Variants in JAKMIP2 observed in about 807,000 individuals in gnomAD.
JAKMIP2 encodes the protein janus kinase and microtubule-interacting protein 2.
In JAKMIP2, 25 loss-of-function variants were observed where a neutral mutation model predicts 115.0. That is an observed-to-expected ratio of 0.22 (90% CI 0.16 to 0.30). The LOEUF (loss-of-function observed/expected upper bound fraction) is 0.30. Ranked by LOEUF, JAKMIP2 falls within the 10% of genes least tolerant of loss-of-function variation. The pLI is 1.00. For synonymous variants in JAKMIP2, 334 were observed against 343.6 expected, an observed-to-expected ratio of 0.97 and a Z score of 0.31; for missense variants, 642 against 957.6, an observed-to-expected ratio of 0.67 and a Z score of 4.35.
At chr5:147,757,600 T>G (rs1754792972) in intron 1 of JAKMIP2, among the ~76,000 whole-genome samples, 1 of 152,030 alleles carries the variant, frequency 6.6e-6, no homozygotes, top group Non-Finnish European at 1.5e-5. Context: ...GACCCTAGTT[T>G]CCTTATTTCT....
At chr5:147,624,242 A>G (rs1163922568) in intron 16 of JAKMIP2, among the ~76,000 whole-genome samples, 1 of 152,178 alleles carries the variant, frequency 6.6e-6, no homozygotes, top group Non-Finnish European at 1.5e-5. Flanking sequence ...CAGGTGCTGT[A>G]CCAGGTCCTA....
chr5:147,679,078 T>C (rs1760125930), intron 1 of JAKMIP2, among the ~76,000 whole-genome samples: 1 of 151,976 alleles, frequency 6.6e-6, no homozygotes, highest in Non-Finnish European at 1.5e-5. Flanking sequence ...CCTCCCAGGT[T>C]CAAATAATTC....
chr5:147,683,356 G>A (rs775090338), intron 1 of JAKMIP2, among the ~76,000 whole-genome samples: 1 of 152,152 alleles, frequency 6.6e-6, no homozygotes, highest in Admixed American at 6.5e-5. Flanking sequence ...GCGGGGCGTG[G>A]TGGCACCTGC....
At chr5:147,707,794 G>GT (rs1311391327) in intron 1 of JAKMIP2, among the ~76,000 whole-genome samples, 2 of 152,160 alleles carry the variant, frequency 1.3e-5, no homozygotes, top group Non-Finnish European at 2.9e-5. Context: ...ATCAGCAATA[G>GT]TAAGTACAGA....
chr5:147,696,745 C>G (rs1752121846), intron 1 of JAKMIP2, among the ~76,000 whole-genome samples: 1 of 152,100 alleles, frequency 6.6e-6, no homozygotes, highest in South Asian at 2.1e-4. Flanking sequence ...ATGGCTTTGA[C>G]CAAAATGCTG....
At chr5:147,742,369 G>T (rs536866343) in intron 1 of JAKMIP2, among the ~76,000 whole-genome samples, 1 of 151,766 alleles carries the variant, frequency 6.6e-6, no homozygotes, top group South Asian at 2.1e-4. Context: ...AAGTCAACTC[G>T]TTGGGCTCTT....
chr5:147,654,766 A>G (rs1758592423), intron 3 of JAKMIP2, among the ~76,000 whole-genome samples: 1 of 152,170 alleles, frequency 6.6e-6, no homozygotes, highest in African/African-American at 2.4e-5. Context: ...AGGAGTGGTG[A>G]GAGAGGGCAT....
chr5:147,697,271 C>G (rs1752142883), intron 1 of JAKMIP2, among the ~76,000 whole-genome samples: 1 of 152,022 alleles, frequency 6.6e-6, no homozygotes, highest in Admixed American at 6.6e-5. Context: ...AAGTGGAAAC[C>G]CCTGATAAAC....
chr5:147,703,304 T>C (rs1406333306), intron 1 of JAKMIP2, among the ~76,000 whole-genome samples: 1 of 152,136 alleles, frequency 6.6e-6, no homozygotes, highest in Non-Finnish European at 1.5e-5. Flanking sequence ...CTGTACTTCA[T>C]ACTGTAGGCA....
At position 147,755,251 on chromosome 5, in the gene JAKMIP2, A is replaced by C. The variant is rs538111637; in HGVS notation, c.-149+27205T>G. On this transcript the variant is annotated intron_variant, in intron 1 of 21. Transcript: ENST00000616793. ...AGGATACTGGCAGTGAGGACAAAGA[A>C]GATTAGGATGTCCCCCCTTTTGGGA... 2.6e-5 allele frequency among the ~76,000 whole-genome samples: 4 copies of C among 152,100 alleles called. No homozygotes were observed. The South Asian group carries it at 6.2e-4, about 24-fold the overall frequency.
Position 147,661,376 on chromosome 5 carries a change from T to C in JAKMIP2, c.199A>G (p.Thr67Ala). The change falls in exon 3 of 22, where the codon ACG (threonine) becomes GCG (alanine). Residue 67 changes from threonine (T) to alanine (A), a missense_variant. Physicochemically the swap from Thr to Ala is moderately conservative, Grantham distance 58 (BLOSUM62 0). This residue lies in a region of JAKMIP2 where 439 missense variants were observed against 570.9 expected (regional missense o/e 0.77). Transcript: ENST00000616793. Reference protein sequence around the residue: ...RIRELEQRKHTVLVTELKAKL... With the variant: ...RIRELEQRKHAVLVTELKAKL... ...GCTTTGAGTTCTGTCACCAGCACCGTGTGCTTGCGCTGCTCCAGCTCACGA... is the reference window on the plus strand; with the variant it reads ...GCTTTGAGTTCTGTCACCAGCACCGCGTGCTTGCGCTGCTCCAGCTCACGA... 1 of 1,614,074 alleles carries C rather than the reference T, an allele frequency of 6.2e-7. No individual in the cohort carries two copies. The highest frequency in any genetic ancestry group is 8.5e-7 in the Non-Finnish European group (1 of 1,179,998).
At chr5:147,637,436 G>GTTTTTTTTTTTTTTTTT (rs1561506660) in intron 10 of JAKMIP2, among the ~76,000 whole-genome samples, 1 of 74,038 alleles carries the variant, frequency 1.4e-5, no homozygotes, top group African/African-American at 5.4e-5. Context: ...AAATTCTTTT[G>GTTTTTTTTTTTTTTTTT]ATTTTTTTTT....
chr5:147,646,409 T>G (rs1758130783), intron 5 of JAKMIP2, among the ~76,000 whole-genome samples: 1 of 152,162 alleles, frequency 6.6e-6, no homozygotes, highest in South Asian at 2.1e-4. Flanking sequence ...ATCTGTCTCT[T>G]CTGAAGGTCA....
Position 147,601,788 on chromosome 5 carries a change from G to T in JAKMIP2, c.2436C>A (p.Phe812Leu), listed in dbSNP as rs1328219247. 3 of 1,474,488 alleles carry T rather than the reference G, an allele frequency of 2.0e-6. No homozygotes were observed. Among genetic ancestry groups the T allele is most frequent in the Non-Finnish European group, 1.8e-6 (2 of 1,084,864 alleles). 91.3% of individuals were successfully genotyped at this position (1,474,488 alleles called of 1,614,324 possible). ...AAGGCCATAGAATAAAGGCAAGAGA[G>T]AAGAACAAGAATAGAAACAGAAACT... ...EEKFLFLFLF[F>L]SLAFILWP Residue 812 changes from phenylalanine to leucine, a missense_variant, in exon 21 of 22, where the codon TTC (phenylalanine) becomes TTA (leucine). Around this residue, in one of 6 missense-constraint regions of JAKMIP2, gnomAD observed 26 missense variants for 50.5 expected, o/e 0.51. Transcript: ENST00000616793.
intron 12 of JAKMIP2, among the ~76,000 whole-genome samples, chr5:147,633,982 G>A (rs1249201570): frequency 6.6e-6 from 1 of 152,170 alleles, no homozygotes; most frequent in Non-Finnish European, 1.5e-5. Flanking sequence ...GAGCCATTGT[G>A]CCCGGCTGTC....
chr5:147,695,677 TGAGA>T (rs10687365), intron 1 of JAKMIP2, among the ~76,000 whole-genome samples: 2 of 147,012 alleles, frequency 1.4e-5, no homozygotes, highest in Non-Finnish European at 3.0e-5. Context: ...TGTGTGTGTG[TGAGA>T]GAGAGAGACA....
chr5:147,642,070 C>T (rs1757904260), intron 7 of JAKMIP2, among the ~76,000 whole-genome samples: 1 of 152,068 alleles, frequency 6.6e-6, no homozygotes, highest in Admixed American at 6.6e-5. Context: ...TACTTATATT[C>T]CCCCAAAGCA....
rs894511803 is a variant in JAKMIP2, at chr5:147,750,900, G to T, written c.-149+31556C>A. Among the ~76,000 whole-genome samples, 3 of 149,052 alleles carry T rather than the reference G, an allele frequency of 2.0e-5. No individual in the cohort carries two copies. In the East Asian group the frequency reaches 5.9e-4, roughly 29 times the overall value. On this transcript the variant is annotated intron_variant, in intron 1 of 21. Transcript: ENST00000616793. ...CCAACCCTGTAATTACCTCGACATC[G>T]GACTTCCAATCTACAGAACTGTTGA...
At chr5:147,726,146 T>C (rs541389025) in intron 1 of JAKMIP2, among the ~76,000 whole-genome samples, 2 of 152,170 alleles carry the variant, frequency 1.3e-5, no homozygotes, top group African/African-American at 4.8e-5. Context: ...AGACACCACA[T>C]GCTGAAACAC....
Sources: gnomAD v4.1 joint callset for allele counts (sites outside exome capture counted in the v4.1 genomes callset) on GRCh38, gnomAD v4.1.1 for gene constraint, gnomAD v4.1.1 regional missense constraint, MANE v1.5 for transcripts, NCBI Gene and HGNC (gene_info 2026-07-23, HGNC 2026-07-21) for gene names.